WDR62: variants seen among roughly 807,000 people sequenced by gnomAD.
WDR62 encodes the protein WD repeat domain 62.
A neutral mutation model predicts 160.6 loss-of-function variants in WDR62; 112 were observed. The ratio of observed to expected loss-of-function variants is 0.70; its 90% confidence interval spans 0.60 to 0.82. The LOEUF is 0.82. WDR62 is among the 40% of genes least tolerant of loss of function. The pLI is 0.00. For synonymous variants in WDR62, 792 were observed against 815.1 expected (o/e 0.97, Z 0.48); for missense variants, 1,819 against 1,983.8 (o/e 0.92, Z 1.58).
rs757431916 is a variant in WDR62, at chr19:36,055,133, G to C, written c.162G>C (p.Glu54Asp). Residue 54 changes from glutamate (E) to aspartate (D), a missense_variant, in exon 1 of 32, where the codon GAG becomes GAC. Coordinates refer to ENST00000401500, the MANE Select transcript of WDR62 (RefSeq NM_001083961.2). ...RRTRLSTASE[E>D]TVQNRVSLEK... ...CGCGACTCTCGACGGCCTCCGAGGAGACGGTGCAGAACCGGGTGAGAAGCT... is the reference window on the plus strand; with the variant it reads ...CGCGACTCTCGACGGCCTCCGAGGACACGGTGCAGAACCGGGTGAGAAGCT... 5.0e-6 allele frequency: 8 copies of C among 1,608,410 alleles called. No individual in the cohort carries two copies. The highest frequency in any genetic ancestry group is 1.7e-5 in the Admixed American group (1 of 59,674).
At chr19:36,100,401 GT>G (rs558921990) in intron 22 of WDR62, among the ~76,000 whole-genome samples, 2 of 152,310 alleles carry the variant, frequency 1.3e-5, no homozygotes, top group African/African-American at 4.8e-5. Flanking sequence ...AATCTGGAGT[GT>G]TTTCTACCTC....
chr19:36,091,016 C>T (rs948312140), intron 16 of WDR62, among the ~76,000 whole-genome samples, 184 bp from the exon 17 acceptor site: 1 of 152,252 alleles, frequency 6.6e-6, no homozygotes, highest in Non-Finnish European at 1.5e-5. Context: ...TAGCACAGGG[C>T]CTGGCTACTG....
intron 21 of WDR62, among the ~76,000 whole-genome samples, chr19:36,097,460 C>G (rs1022441484): frequency 3.3e-5 from 5 of 152,188 alleles, no homozygotes; most frequent in Admixed American, 6.5e-5. Flanking sequence ...TGTCTGTGGT[C>G]CCAGCTACTC....
intron 24 of WDR62, 131 bp downstream of exon 24, chr19:36,101,448 C>T (rs3746270): frequency 0.018 from 16,775 of 931,436 alleles, 963 homozygotes; most frequent in South Asian, 0.12. Context: ...GTGGTCCCTG[C>T]TGCTGCCTGA....
At chr19:36,074,524 C>T (rs1391669603) in intron 9 of WDR62, among the ~76,000 whole-genome samples, 1 of 152,024 alleles carries the variant, frequency 6.6e-6, no homozygotes, top group African/African-American at 2.4e-5. Flanking sequence ...TAGCCAGGCG[C>T]GCCTATAGTT....
At chr19:36,106,120 C>A (rs55884522), downstream of WDR62, among the ~76,000 whole-genome samples, 20,714 of 152,206 alleles carry the variant, frequency 0.14, 1,719 homozygotes, top group Middle Eastern at 0.25. Flanking sequence ...GCTTCCCCTT[C>A]AGAAGTTCTA....
At chr19:36,089,550 T>C (rs1006316952) in intron 15 of WDR62, among the ~76,000 whole-genome samples, 1 of 152,212 alleles carries the variant, frequency 6.6e-6, no homozygotes, top group African/African-American at 2.4e-5. Flanking sequence ...CAAGTGATTC[T>C]CCTGCCTCAG....
intron 12 of WDR62, among the ~76,000 whole-genome samples, chr19:36,085,781 G>A (rs757688012): frequency 1.3e-5 from 2 of 152,040 alleles, no homozygotes; most frequent in Admixed American, 6.6e-5. Context: ...TGAAGATTTC[G>A]TTTGTTTCAA....
chr19:36,064,821 AC>A (rs1409723465), intron 3 of WDR62, among the ~76,000 whole-genome samples: 2 of 144,384 alleles, frequency 1.4e-5, no homozygotes, highest in Non-Finnish European at 3.0e-5. Flanking sequence ...CAAGTGAACC[AC>A]CCACCCCTCT....
At chr19:36,078,935 A>G (rs1381961584) in intron 9 of WDR62, among the ~76,000 whole-genome samples, 2 of 133,724 alleles carry the variant, frequency 1.5e-5, no homozygotes, top group African/African-American at 5.8e-5. Context: ...AAGAGTAACT[A>G]TTGGATTTGA....
chr19:36,084,821 T>C (rs922456445), intron 12 of WDR62, 77 bp downstream of exon 12: 299 of 1,328,328 alleles, frequency 2.3e-4, no homozygotes, highest in Non-Finnish European at 3.1e-4. Context: ...AAGGGGTAGT[T>C]GGTGTCTGGT....
chr19:36,109,890 C>CA (rs1204090417), downstream of WDR62, among the ~76,000 whole-genome samples: 3 of 151,104 alleles, frequency 2.0e-5, no homozygotes, highest in Non-Finnish European at 2.9e-5. Context: ...CCCATCTCTA[C>CA]AAAAAACACA....
In WDR62 at chr19:36,103,837, C is replaced by A. The variant is rs758502507; in HGVS notation, c.4009C>A (p.Leu1337Met). ...CCCTAGCCCTGTGGAAGAGAGCGCCCTGAGGCTCCACGGCTCTGCCTTTCG... is the reference window on the plus strand; with the variant it reads ...CCCTAGCCCTGTGGAAGAGAGCGCCATGAGGCTCCACGGCTCTGCCTTTCG... ...PAPSPVEESA[L>M]RLHGSAFRPS... Residue 1337 changes from leucine to methionine, a missense_variant, in exon 30 of 32, where the codon CTG becomes ATG. Around this residue, in one of 3 missense-constraint regions of WDR62, gnomAD observed 770 missense variants for 734.2 expected, o/e 1.05. Transcript: ENST00000401500. The A allele has an allele frequency of 1.9e-6, 3 of 1,605,844 alleles. No homozygotes were observed. The highest frequency in any genetic ancestry group is 3.3e-5 in the Admixed American group (2 of 60,014).
chr19:36,102,272 T>C, intron 26 of WDR62, 121 bp downstream of exon 26: 6 of 1,419,024 alleles, frequency 4.2e-6, no homozygotes, highest in Non-Finnish European at 4.9e-6. Context: ...AACTGCTTCG[T>C]TTTTTTTGAG....
intron 10 of WDR62, chr19:36,081,830 TC>T: frequency 1.6e-6 from 1 of 608,484 alleles, no homozygotes; most frequent in Non-Finnish European, 3.1e-6. Context: ...ACGTGGCCAC[TC>T]CCGGCAGCCC....
chr19:36,085,414 CTTTTTTTTTT>C lies in WDR62; in HGVS notation c.1642+684_1642+693del, dbSNP rs35753706. On this transcript the variant is annotated intron_variant, in intron 12 of 31. Coordinates refer to ENST00000401500, the MANE Select transcript of WDR62 (RefSeq NM_001083961.2). The stretch of plus-strand genomic sequence containing the variant: ...TAGGGCATGAGCCACCACACCTGAC[CTTTTTTTTTT>C]TTTTTTTTTTTTTGAGACAAGAGTC... 1.6e-4 allele frequency among the ~76,000 whole-genome samples: 11 copies of C among 70,382 alleles called. 1 individual carries two copies. The highest frequency in any genetic ancestry group is 8.3e-3 in the Middle Eastern group (1 of 120). The allele number at this position is 70,382 out of a possible 152,430, so 46.2% of individuals were successfully genotyped here. A position where few individuals can be genotyped will look rare whatever the true frequency, so the allele number is the denominator to read the frequency against.
Position 36,104,875 on chromosome 19 carries a change from G to T in WDR62, c.4419G>T (p.Gly1473=), listed in dbSNP as rs1259506238. ...AGCTGGAGGCTGAATGCCTGGTGGGGACTAGTGTGGCCCCAGCCCAGGCTC... is the reference window on the plus strand; with the variant it reads ...AGCTGGAGGCTGAATGCCTGGTGGGTACTAGTGTGGCCCCAGCCCAGGCTC... ...HSQLEAECLV[G]TSVAPAQALP... The change falls in exon 32 of 32, where the codon GGG becomes GGT. Residue 1473 remains glycine (G), a synonymous_variant. Coordinates refer to ENST00000401500, the MANE Select transcript of WDR62 (RefSeq NM_001083961.2). 6.2e-7 allele frequency: 1 copy of T among 1,612,512 alleles called. No individual in the cohort carries two copies. Among genetic ancestry groups the T allele is most frequent in the Non-Finnish European group, 8.5e-7 (1 of 1,179,896 alleles).
At position 36,103,898 on chromosome 19, in the gene WDR62, C is replaced by T; in HGVS notation, c.4070C>T (p.Pro1357Leu). Residue 1357 changes from proline to leucine, a missense_variant, in exon 30 of 32, where the codon CCT becomes CTT. By Grantham distance (98) the Pro-to-Leu change is moderately conservative. Transcript: ENST00000401500. ...CCAGCTCCTGAGTCCCCTGGCCTTCCTGCCCACCCCAGTAACCCCCAGCTT... is the reference window on the plus strand; with the variant it reads ...CCAGCTCCTGAGTCCCCTGGCCTTCTTGCCCACCCCAGTAACCCCCAGCTT... ...SLPAPESPGL[P>L]AHPSNPQLPE... The T allele has an allele frequency of 1.3e-6, 2 of 1,599,864 alleles. No individual in the cohort carries two copies. Among genetic ancestry groups the T allele is most frequent in the Middle Eastern group, 1.7e-4 (1 of 6,048 alleles).
At chr19:36,090,594 T>C in intron 16 of WDR62, 74 bp downstream of exon 16, 2 of 1,417,044 alleles carry the variant, frequency 1.4e-6, no homozygotes, top group Non-Finnish European at 2.0e-6. Context: ...ACCTGAGACC[T>C]GTGCCCTTGG....
Sources: gnomAD v4.1 joint callset for allele counts (sites outside exome capture counted in the v4.1 genomes callset) on GRCh38, gnomAD v4.1.1 for gene constraint, gnomAD v4.1.1 regional missense constraint, MANE v1.5 for transcripts, NCBI Gene and HGNC (gene_info 2026-07-23, HGNC 2026-07-21) for gene names.